Variants in ERMAP observed in about 807,000 individuals in gnomAD.
ERMAP encodes erythroid membrane-associated protein.
In ERMAP, 34 loss-of-function variants were observed where a neutral mutation model predicts 49.5. The ratio of observed to expected loss-of-function variants is 0.69; its 90% confidence interval spans 0.52 to 0.91. ERMAP has a LOEUF of 0.91. ERMAP is among the 40% of genes least tolerant of loss of function. The pLI, the probability that ERMAP is intolerant of heterozygous loss-of-function variation, is 0.00. For missense variants in ERMAP, 541 were observed against 582.6 expected (o/e 0.93, Z 0.74); for synonymous variants, 214 against 232.2 (o/e 0.92, Z 0.71).
chr1:42,837,079 G>A, intron 6 of ERMAP, 79 bp from the exon 7 acceptor site: 1 of 1,471,328 alleles, frequency 6.8e-7, no homozygotes, highest in Non-Finnish European at 9.5e-7. Flanking sequence ...CAGGTCCAAG[G>A]GCAGGTAAAA....
rs933893158 is a variant in ERMAP, at chr1:42,844,208, A to G, written c.*976A>G. 2 of 398,336 alleles carry G rather than the reference A, an allele frequency of 5.0e-6. No individual in the cohort carries two copies. The highest frequency in any genetic ancestry group is 4.4e-6 in the Non-Finnish European group (1 of 225,982). The allele number at this position is 398,336 out of a possible 1,614,324, so 24.7% of individuals were successfully genotyped here. On this transcript the variant is annotated 3_prime_UTR_variant, in exon 12 of 12. Transcript: ENST00000372517. This position sits in a 1 kb window ranked among gnomAD's most constrained non-coding sequence, Gnocchi z 4.0. ...CAAACAGCCTCTTAGGTTGGAGAGT[A>G]TTGATTTCAAATAGGAAGTTGGTAG...
At chr1:42,841,366 A>G (rs533965721) in intron 11 of ERMAP, among the ~76,000 whole-genome samples, 1 of 152,318 alleles carries the variant, frequency 6.6e-6, no homozygotes, top group South Asian at 2.1e-4. Flanking sequence ...CCTTCTCTCT[A>G]TATTAACATT....
intron 6 of ERMAP, chr1:42,836,844 A>T (rs11581978): frequency 0.14 from 31,458 of 220,858 alleles, 2,733 homozygotes; most frequent in Admixed American, 0.19. Context: ...GCAGATTTTT[A>T]AAAAAAATCT....
chr1:42,842,389 G>C (rs1318895086), intron 11 of ERMAP, 128 bp from the exon 12 acceptor site: 1 of 751,550 alleles, frequency 1.3e-6, no homozygotes. Context: ...GGTGGGGGCG[G>C]GAATCCATGA....
chr1:42,824,398 CCAGAAACAACCCA>C (rs1451898997), intron 1 of ERMAP: 1 of 151,874 alleles, frequency 6.6e-6, no homozygotes, highest in Non-Finnish European at 1.5e-5. Flanking sequence ...AAGCTAAAGC[CCAGAAACAACCCA>C]CATTTCTATC....
At position 42,838,606 on chromosome 1, in the gene ERMAP, G is replaced by A. The variant is rs34422238; in HGVS notation, c.617-295G>A. Among the ~76,000 whole-genome samples the A allele has an allele frequency of 3.5e-3, 530 of 152,238 alleles. 3 individuals are homozygous for A. Among genetic ancestry groups the A allele is most frequent in the African/African-American group, 0.012 (498 of 41,526 alleles). On this transcript the variant is annotated intron_variant, in intron 7 of 11. Coordinates refer to ENST00000372517, the MANE Select transcript of ERMAP (RefSeq NM_001017922.2). ...ACAGCAGTGCATACACTCATGTACC[G>A]CAGTTACAAACATATAGAAACACTC...
intron 1 of ERMAP, among the ~76,000 whole-genome samples, chr1:42,821,343 T>C (rs1000192285): frequency 6.6e-6 from 1 of 151,596 alleles, no homozygotes; most frequent in East Asian, 1.9e-4. Context: ...AGGAAGCATA[T>C]AGACCAAAAA....
chr1:42,821,016 T>G (rs890461821), intron 1 of ERMAP, among the ~76,000 whole-genome samples: 1 of 152,224 alleles, frequency 6.6e-6, no homozygotes, highest in Non-Finnish European at 1.5e-5. Context: ...TTCTTGCTGA[T>G]GTCAAGGGTT....
chr1:42,832,849 A>C (rs1419466813), intron 4 of ERMAP, among the ~76,000 whole-genome samples: 3 of 152,258 alleles, frequency 2.0e-5, no homozygotes, highest in African/African-American at 7.2e-5. Context: ...GCCCCTGTTC[A>C]TCACAGGAGG....
rs1186671825 is a variant in ERMAP, at chr1:42,842,539, C to T, written c.735C>T (p.Asp245=). The T allele has an allele frequency of 1.9e-6, 3 of 1,613,672 alleles. No individual in the cohort carries two copies. In the African/African-American group the frequency reaches 4.0e-5, roughly 22 times the overall value. The change falls in exon 12 of 12, where the codon GAC becomes GAT. Residue 245 remains aspartate, a synonymous_variant. Coordinates refer to ENST00000372517, the MANE Select transcript of ERMAP (RefSeq NM_001017922.2). ...CAGTGGCAGTGACCCTGGACCCAGA[C>T]ACAGCACATCCCAAACTCATCCTTT... ...LHFVAVTLDP[D]TAHPKLILSE...
chr1:42,830,549 C>T lies in ERMAP; in HGVS notation c.85+16C>T, dbSNP rs769969508. The stretch of plus-strand genomic sequence containing the variant: ...CATGTGTCAGGTAGGAGTTTCTGAT[C>T]CTCTTTCCCTGCCTGGTACATGTGA... On this transcript the variant is annotated intron_variant, in intron 3 of 11. Transcript: ENST00000372517. The T allele has an allele frequency of 1.9e-6, 3 of 1,609,046 alleles. No homozygotes were observed. The highest frequency in any genetic ancestry group is 2.7e-5 in the African/African-American group (2 of 74,816).
chr1:42,826,883 CAG>C (rs1374905399), intron 2 of ERMAP, among the ~76,000 whole-genome samples: 1 of 149,798 alleles, frequency 6.7e-6, no homozygotes, highest in Non-Finnish European at 1.5e-5. Context: ...TACAAAATCA[CAG>C]AGCAGTAAGG....
rs762708917 is a variant in ERMAP at position 42,842,601 on chromosome 1, G to A, written c.797G>A (p.Arg266Gln). Residue 266 changes from arginine to glutamine, a missense_variant, in exon 12 of 12, where the codon CGG becomes CAG. Arg to Gln is a conservative substitution (Grantham distance 43). Transcript: ENST00000372517. ...DQRCVRLGDRRQPVPDNPQRF... is the reference protein window; with the variant it reads ...DQRCVRLGDRQQPVPDNPQRF... ...AGATGTGTAAGGCTTGGAGACAGAC[G>A]GCAGCCTGTACCTGACAACCCCCAG... The A allele has an allele frequency of 2.2e-5, 36 of 1,614,010 alleles. 1 individual carries two copies. In the Admixed American group the frequency reaches 4.3e-4, roughly 19 times the overall value.
rs1054459058 is a variant in ERMAP at position 42,844,312 on chromosome 1, T to C, written c.*1080T>C. The stretch of plus-strand genomic sequence containing the variant: ...GCCTCGTCGCTTTCAAGTCACATCA[T>C]ATATGCGATCTGGCCTAACCATGGA... On this transcript the variant is annotated 3_prime_UTR_variant, in exon 12 of 12. Coordinates refer to ENST00000372517, the MANE Select transcript of ERMAP (RefSeq NM_001017922.2). This position sits in a 1 kb window ranked among gnomAD's most constrained non-coding sequence, Gnocchi z 4.0. The C allele has an allele frequency of 5.1e-6, 2 of 393,608 alleles. No homozygotes were observed. Among genetic ancestry groups the C allele is most frequent in the Non-Finnish European group, 9.0e-6 (2 of 223,382 alleles). 24.4% of individuals were successfully genotyped at this position (393,608 alleles called of 1,614,324 possible).
intron 4 of ERMAP, 117 bp downstream of exon 4, chr1:42,831,232 T>A: frequency 7.7e-7 from 1 of 1,290,634 alleles, no homozygotes; most frequent in Non-Finnish European, 1.1e-6. Flanking sequence ...AGTTTTTACT[T>A]GCCAGGATGG....
chr1:42,825,496 G>C (rs757652043), intron 1 of ERMAP, 127 bp from the exon 2 acceptor site: 139 of 1,180,992 alleles, frequency 1.2e-4, no homozygotes, highest in Non-Finnish European at 1.4e-4. Flanking sequence ...CTTTTATCAG[G>C]GGCATACAGA....
At chr1:42,818,130 G>C (rs893606649) in intron 1 of ERMAP, among the ~76,000 whole-genome samples, 2 of 152,190 alleles carry the variant, frequency 1.3e-5, no homozygotes, top group Admixed American at 1.3e-4. Context: ...TATCAAACTG[G>C]CAAGAATTGA....
In ERMAP at chr1:42,842,690, GAGGTGT is replaced by G; in HGVS notation, c.888_893del (p.Glu296_Tyr298delinsAsp). On this transcript the variant is annotated inframe_deletion, in exon 12 of 12. Transcript: ENST00000372517. The stretch of plus-strand genomic sequence containing the variant: ...CTTCACGACTGGCTGCCACTACTGG[GAGGTGT>G]ATGTGGGAGACAAGACCAAATGGAT... 6.2e-7 allele frequency: 1 copy of G among 1,614,190 alleles called. No individual in the cohort carries two copies. Among genetic ancestry groups the G allele is most frequent in the South Asian group, 1.1e-5 (1 of 91,082 alleles).
Position 42,842,762 on chromosome 1 carries a change from G to T in ERMAP, c.958G>T (p.Val320Phe), listed in dbSNP as rs766635905. Residue 320 changes from valine to phenylalanine, a missense_variant, in exon 12 of 12, where the codon GTT becomes TTT. Physicochemically the swap from Val to Phe is conservative, Grantham distance 50. Transcript: ENST00000372517. ...CSESVSRKGK[V>F]TASPANGHWL... The stretch of plus-strand genomic sequence containing the variant: ...TGAGTCAGTGAGCAGGAAGGGGAAG[G>T]TTACTGCCTCACCTGCCAATGGACA... 6.2e-7 allele frequency: 1 copy of T among 1,614,132 alleles called. No individual in the cohort carries two copies. Among genetic ancestry groups the T allele is most frequent in the East Asian group, 2.2e-5 (1 of 44,880 alleles).
Sources: allele counts gnomAD v4.1 joint callset (sites outside exome capture counted in the v4.1 genomes callset), GRCh38; gene constraint gnomAD v4.1.1; non-coding constraint Gnocchi (gnomAD v3.1); transcripts MANE v1.5; gene names NCBI Gene and HGNC (gene_info 2026-07-23, HGNC 2026-07-21).